PRKRA: variants seen among roughly 807,000 people sequenced by gnomAD.
PRKRA encodes the protein interferon-inducible double-stranded RNA-dependent protein kinase activator A.
A neutral mutation model predicts 32.4 loss-of-function variants in PRKRA; 22 were observed. The observed-to-expected ratio is 0.68, with a 90% confidence interval of 0.49 to 0.97. The LOEUF is 0.97. PRKRA is among the 50% of genes least tolerant of loss of function. PRKRA has a pLI of 0.00. For synonymous variants in PRKRA, 139 were observed against 129.8 expected (o/e 1.07, Z -0.48); for missense variants, 319 against 375.6 (o/e 0.85, Z 1.25).
chr2:178,443,401 A>T lies in PRKRA; in HGVS notation c.397-17T>A, dbSNP rs779940356. ...AGCCAATTCCTATAAAATCAAGATG[A>T]GGCTTTAATAGTAATTTTATGCAAT... On this transcript the variant is annotated splice_polypyrimidine_tract_variant and intron_variant, in intron 4 of 7. Transcript: ENST00000325748. 1 of 1,502,860 alleles carries T rather than the reference A, an allele frequency of 6.7e-7. No homozygotes were observed. Among genetic ancestry groups the T allele is most frequent in the Non-Finnish European group, 9.3e-7 (1 of 1,079,118 alleles). 93.1% of individuals were successfully genotyped at this position (1,502,860 alleles called of 1,614,324 possible).
chr2:178,435,866 T>C (rs565431318), intron 7 of PRKRA, among the ~76,000 whole-genome samples: 1 of 152,372 alleles, frequency 6.6e-6, no homozygotes, highest in Non-Finnish European at 1.5e-5. Context: ...AGTAAGTAGA[T>C]ACGTGTAATC....
chr2:178,433,536 T>C (rs1390825045), intron 7 of PRKRA: 1 of 152,252 alleles, frequency 6.6e-6, no homozygotes, highest in Admixed American at 6.5e-5. Flanking sequence ...TCATTAATGA[T>C]AGCCATCCTA....
chr2:178,447,089 A>G (rs183025294), intron 3 of PRKRA, among the ~76,000 whole-genome samples: 3 of 151,924 alleles, frequency 2.0e-5, no homozygotes, highest in Non-Finnish European at 4.4e-5. Context: ...TACATTATAT[A>G]ATAAAAGAAA....
At chr2:178,436,377 A>G in intron 6 of PRKRA, 58 bp from the exon 7 acceptor site, 2 of 1,403,458 alleles carry the variant, frequency 1.4e-6, no homozygotes, top group Non-Finnish European at 2.0e-6. Flanking sequence ...CAACACCCGT[A>G]CCAGTATCAT....
chr2:178,435,717 G>T (rs1377673018), intron 7 of PRKRA, among the ~76,000 whole-genome samples: 1 of 152,204 alleles, frequency 6.6e-6, no homozygotes, highest in Admixed American at 6.5e-5. Context: ...GGTATCTTCT[G>T]GGACTCTTCC....
rs1303322236 is a variant in PRKRA, at chr2:178,432,134, G to A, written c.905C>T (p.Ala302Val). Residue 302 changes from alanine (A) to valine (V), a missense_variant, in exon 8 of 8, where the codon GCT (alanine) becomes GTT (valine). By Grantham distance (64) the Ala-to-Val change is moderately conservative. Coordinates refer to ENST00000325748, the MANE Select transcript of PRKRA (RefSeq NM_003690.5). ...TGCTATTATCTTTAAATACTGCAAA[G>A]CATTGTGAGCTGCATCACTTTGTGC... Reference protein sequence around the residue: ...GNAQSDAAHNALQYLKIIAER... With the variant: ...GNAQSDAAHNVLQYLKIIAER... 8 of 1,614,214 alleles carry A rather than the reference G, an allele frequency of 5.0e-6. No individual in the cohort carries two copies. The highest frequency in any genetic ancestry group is 6.8e-6 in the Non-Finnish European group (8 of 1,180,042).
At chr2:178,446,778 G>C (rs1291661792) in intron 3 of PRKRA, among the ~76,000 whole-genome samples, 1 of 151,998 alleles carries the variant, frequency 6.6e-6, no homozygotes, top group Non-Finnish European at 1.5e-5. Context: ...CGGATCACGA[G>C]GTCAGGAGAT....
At position 178,431,822 on chromosome 2, in the gene PRKRA, A is replaced by G; in HGVS notation, c.*275T>C. On this transcript the variant is annotated 3_prime_UTR_variant, in exon 8 of 8. Coordinates refer to ENST00000325748, the MANE Select transcript of PRKRA (RefSeq NM_003690.5). ...ATTTCATCATCAACAACAAACATGC[A>G]GTTTCTTTCTCTGATGTGCATGGCA... is the stretch of plus-strand genomic sequence containing the variant. 4.3e-6 allele frequency: 2 copies of G among 466,698 alleles called. No individual in the cohort carries two copies. The highest frequency in any genetic ancestry group is 2.5e-5 in the South Asian group (1 of 39,468). 28.9% of individuals were successfully genotyped at this position (466,698 alleles called of 1,614,324 possible).
intron 6 of PRKRA, among the ~76,000 whole-genome samples, chr2:178,437,095 G>A (rs931052743): frequency 1.3e-5 from 2 of 152,130 alleles, no homozygotes; most frequent in Non-Finnish European, 2.9e-5. Flanking sequence ...TAATGAGCAC[G>A]ACAGAGGGGA....
At chr2:178,449,504 T>C (rs971257339) in intron 2 of PRKRA, among the ~76,000 whole-genome samples, 3 of 149,860 alleles carry the variant, frequency 2.0e-5, no homozygotes, top group African/African-American at 7.3e-5. Flanking sequence ...TGCAATTAAA[T>C]AGATACATAA....
Position 178,441,622 on chromosome 2 carries a change from G to A in PRKRA, c.597C>T (p.Asn199=). The change falls in exon 6 of 8, where the codon AAC becomes AAT. Residue 199 remains asparagine (N), a synonymous_variant. Transcript: ENST00000325748. ...CAACATTACTCACTAAAGAAATGTG[G>A]TTCTCTGGAGAAATATTACTAAATT... The part of the protein sequence containing the change: ...LAKFSNISPE[N]HISLTNVVGH... 1.3e-6 allele frequency: 2 copies of A among 1,599,890 alleles called. No homozygotes were observed. Among genetic ancestry groups the A allele is most frequent in the Non-Finnish European group, 1.7e-6 (2 of 1,167,410 alleles).
intron 3 of PRKRA, among the ~76,000 whole-genome samples, chr2:178,446,560 T>G (rs1697317762): frequency 6.6e-6 from 1 of 152,198 alleles, no homozygotes; most frequent in African/African-American, 2.4e-5. Context: ...TCCCTGGGTC[T>G]CTACTGTCAA....
At chr2:178,448,755 A>G (rs568957236) in intron 2 of PRKRA, among the ~76,000 whole-genome samples, 1 of 152,338 alleles carries the variant, frequency 6.6e-6, no homozygotes, top group Admixed American at 6.5e-5. Context: ...TTCAATGGAT[A>G]GTTAGTGGAT....
At chr2:178,445,828 C>G (rs1460386110) in intron 3 of PRKRA, 1 of 152,264 alleles carries the variant, frequency 6.6e-6, no homozygotes, top group African/African-American at 2.4e-5. Flanking sequence ...CCTACTGGGT[C>G]CAAGGAATTC....
In PRKRA at chr2:178,450,230, G is replaced by C; in HGVS notation, c.235+12C>G. Reference sequence around the variant, plus strand: ...ACCCACTCGGTCATCCAGGTTAACTGTGTATACAGACCTGTGCAGGTTATG... The same window carrying C: ...ACCCACTCGGTCATCCAGGTTAACTCTGTATACAGACCTGTGCAGGTTATG... On this transcript the variant is annotated intron_variant, in intron 2 of 7. Coordinates refer to ENST00000325748, the MANE Select transcript of PRKRA (RefSeq NM_003690.5). The C allele has an allele frequency of 1.3e-6, 1 of 781,472 alleles. No homozygotes were observed. Among genetic ancestry groups the C allele is most frequent in the Non-Finnish European group, 1.8e-6 (1 of 543,432 alleles). The allele number at this position is 781,472 out of a possible 1,614,324, so 48.4% of individuals were successfully genotyped here.
chr2:178,451,087 C>CTCCCCGGGTCGCTGG lies in PRKRA; in HGVS notation c.-72_-58dup. ...AGAGCGGTGCGGAGCGACGTGCTCG[C>CTCCCCGGGTCGCTGG]TCCCCGGGTCGCTGGTCCCCGGGAG... On this transcript the variant is annotated 5_prime_UTR_variant, in exon 1 of 8. Transcript: ENST00000325748. 6.6e-7 allele frequency: 1 copy of CTCCCCGGGTCGCTGG among 1,519,474 alleles called. No homozygotes were observed. The highest frequency in any genetic ancestry group is 8.8e-7 in the Non-Finnish European group (1 of 1,135,504). 94.1% of individuals were successfully genotyped at this position (1,519,474 alleles called of 1,614,324 possible).
chr2:178,438,866 G>A (rs1348650008), intron 6 of PRKRA: 1 of 151,660 alleles, frequency 6.6e-6, no homozygotes, highest in Admixed American at 6.6e-5. Context: ...TGTATTTTTA[G>A]TAGAGACGGG....
chr2:178,435,334 G>A (rs960538180), intron 7 of PRKRA, among the ~76,000 whole-genome samples: 1 of 132,754 alleles, frequency 7.5e-6, no homozygotes, highest in Non-Finnish European at 1.5e-5. Context: ...AGTGAGTTGA[G>A]ATTGTGCCAC....
intron 1 of PRKRA, chr2:178,450,719 C>T: frequency 7.2e-7 from 1 of 1,380,046 alleles, no homozygotes; most frequent in Non-Finnish European, 9.3e-7. Context: ...CGATCCCTTC[C>T]CGGGCGCGCC....
Sources: gnomAD v4.1 joint callset for allele counts (sites outside exome capture counted in the v4.1 genomes callset) on GRCh38, gnomAD v4.1.1 for gene constraint, MANE v1.5 for transcripts, NCBI Gene and HGNC (gene_info 2026-07-23, HGNC 2026-07-21) for gene names.